Variants in CACNA2D1 observed in about 807,000 individuals in gnomAD.
CACNA2D1 encodes the protein voltage-dependent calcium channel subunit alpha-2/delta-1.
CACNA2D1 carries 53 observed loss-of-function variants against 171.5 expected under a neutral mutation model. The ratio of observed to expected loss-of-function variants is 0.31; its 90% CI spans 0.25 to 0.39. The LOEUF (loss-of-function observed/expected upper bound fraction) is 0.39, where lower values mean the gene tolerates loss of function less well. CACNA2D1 is among the 10% of genes least tolerant of loss of function. The probability of loss-of-function intolerance (pLI) is 1.00; values close to 1 mark genes in which losing one functional copy is unlikely to be tolerated. For synonymous variants in CACNA2D1, 442 were observed against 443.1 expected, an observed-to-expected ratio of 1.00 and a Z score of 0.03; for missense variants, 903 against 1,299.8, an observed-to-expected ratio of 0.69 and a Z score of 4.69.
At chr7:82,349,460 T>G (rs1315686169) in intron 2 of CACNA2D1, 108 bp downstream of exon 2, 2 of 915,222 alleles carry the variant, frequency 2.2e-6, no homozygotes, top group African/African-American at 3.3e-5. Flanking sequence ...CAGATCCACA[T>G]GAGAAATCAT....
chr7:82,351,489 T>A (rs1819839807), intron 1 of CACNA2D1, among the ~76,000 whole-genome samples: 1 of 151,934 alleles, frequency 6.6e-6, no homozygotes, highest in Non-Finnish European at 1.5e-5. Context: ...ACAAACTAGT[T>A]ACTAAATGGA....
intron 3 of CACNA2D1, among the ~76,000 whole-genome samples, chr7:82,268,635 G>A (rs980852921): frequency 2.0e-5 from 3 of 151,826 alleles, no homozygotes; most frequent in African/African-American, 7.3e-5. Flanking sequence ...GAAATTATTT[G>A]GGCTATGTGG....
At chr7:82,402,737 A>G (rs1373019667) in intron 1 of CACNA2D1, among the ~76,000 whole-genome samples, 1 of 149,192 alleles carries the variant, frequency 6.7e-6, no homozygotes, top group East Asian at 2.0e-4. Flanking sequence ...AAAAAAGAAG[A>G]AGAAGTAAAA....
chr7:82,420,208 T>C (rs2129457011), intron 1 of CACNA2D1, among the ~76,000 whole-genome samples: 1 of 152,348 alleles, frequency 6.6e-6, no homozygotes, highest in South Asian at 2.1e-4. Flanking sequence ...ACGATTCTCC[T>C]ACCTTGTCAA....
At chr7:82,386,012 T>A (rs1337340679) in intron 1 of CACNA2D1, among the ~76,000 whole-genome samples, 1 of 152,108 alleles carries the variant, frequency 6.6e-6, no homozygotes, top group Non-Finnish European at 1.5e-5. Context: ...AATATTTAGG[T>A]TTAGAGTTGT....
intron 38 of CACNA2D1, among the ~76,000 whole-genome samples, chr7:81,955,679 C>A (rs1370133165): frequency 6.6e-6 from 1 of 151,700 alleles, no homozygotes; most frequent in Admixed American, 6.6e-5. Context: ...AGGACTTCAT[C>A]AAAACTCAAG....
chr7:82,366,734 T>C (rs182949621), intron 1 of CACNA2D1, among the ~76,000 whole-genome samples: 2 of 152,236 alleles, frequency 1.3e-5, no homozygotes, highest in Admixed American at 6.5e-5. Flanking sequence ...TGGGTATATA[T>C]ATCCAGTAAT....
rs187415838 is a variant in CACNA2D1, at chr7:82,048,242, C to A, written c.880-10007G>T. On this transcript the variant is annotated intron_variant, in intron 10 of 38. Transcript: ENST00000356860. ...TTATATACATCTGGAAAACTTAGAG[C>A]ATGATTATGATATAAATTAATGACA... Among the ~76,000 whole-genome samples the A allele has an allele frequency of 1.1e-3, 164 of 151,820 alleles. 1 individual carries two copies. The highest frequency in any genetic ancestry group is 3.7e-3 in the African/African-American group (152 of 41,400).
chr7:82,321,555 T>G (rs1405054496), intron 3 of CACNA2D1, among the ~76,000 whole-genome samples: 1 of 152,174 alleles, frequency 6.6e-6, no homozygotes, highest in Non-Finnish European at 1.5e-5. Flanking sequence ...AAGGTTATTC[T>G]GAAGATGAAA....
In CACNA2D1 at chr7:82,005,375, C is replaced by T. The variant is rs370842515; in HGVS notation, c.1590+48G>A. ...CAACAATCCTATTAAGAACATTAAT[C>T]ATTAATTCTACAAAACACTAATCAC... is the stretch of plus-strand genomic sequence containing the variant. On this transcript the variant is annotated intron_variant, in intron 18 of 38. Transcript: ENST00000356860. The T allele has an allele frequency of 2.8e-5, 31 of 1,104,208 alleles. No individual in the cohort carries two copies. In the African/African-American group the frequency reaches 4.0e-4, roughly 14 times the overall value. The allele number at this position is 1,104,208 out of a possible 1,614,324, so 68.4% of individuals were successfully genotyped here.
chr7:82,242,604 T>C (rs192580201), intron 3 of CACNA2D1, among the ~76,000 whole-genome samples: 2 of 152,182 alleles, frequency 1.3e-5, no homozygotes, highest in Non-Finnish European at 2.9e-5. Context: ...CAGTCTTTTA[T>C]AGCAGTAATC....
At chr7:82,241,636 G>C (rs933265403) in intron 3 of CACNA2D1, among the ~76,000 whole-genome samples, 1 of 151,936 alleles carries the variant, frequency 6.6e-6, no homozygotes, top group South Asian at 2.1e-4. Flanking sequence ...GTGCTTGATG[G>C]AGAAAGAAGC....
At chr7:82,193,477 G>T (rs1478408115) in intron 3 of CACNA2D1, among the ~76,000 whole-genome samples, 1 of 151,904 alleles carries the variant, frequency 6.6e-6, no homozygotes, top group Non-Finnish European at 1.5e-5. Context: ...ATATATTTAA[G>T]TCTAAAAAGA....
chr7:82,254,291 T>C (rs1212799137), intron 3 of CACNA2D1, among the ~76,000 whole-genome samples: 1 of 152,182 alleles, frequency 6.6e-6, no homozygotes, highest in African/African-American at 2.4e-5. Context: ...TGTTTGTAAT[T>C]GTAGGGAGAA....
At chr7:82,292,807 G>GGT (rs1281671903) in intron 3 of CACNA2D1, among the ~76,000 whole-genome samples, 2 of 151,212 alleles carry the variant, frequency 1.3e-5, no homozygotes, top group Non-Finnish European at 2.9e-5. Flanking sequence ...ATTATACATG[G>GGT]GTATATATAA....
Position 81,947,000 on chromosome 7 carries a change from G to GT in CACNA2D1, c.*3391dup, listed in dbSNP as rs1346719143. ...TTTAAAATTTTGGGCAAGTGAAATA[G>GT]TTATTTCATTCTATTCTTTAAAAAA... On this transcript the variant is annotated 3_prime_UTR_variant, in exon 39 of 39. Coordinates refer to ENST00000356860, the MANE Select transcript of CACNA2D1 (RefSeq NM_000722.4). The GT allele has an allele frequency of 6.6e-6, 1 of 151,970 alleles. No homozygotes were observed. The highest frequency in any genetic ancestry group is 1.9e-4 in the East Asian group (1 of 5,180). 9.4% of individuals were successfully genotyped at this position (151,970 alleles called of 1,614,324 possible). A position where few individuals can be genotyped will look rare whatever the true frequency, so the allele number is the denominator to read the frequency against.
intron 3 of CACNA2D1, among the ~76,000 whole-genome samples, chr7:82,276,185 A>G (rs976106885): frequency 9.2e-5 from 14 of 152,220 alleles, no homozygotes; most frequent in Non-Finnish European, 1.9e-4. Flanking sequence ...CACTTGTCAC[A>G]GTTTTATTTA....
chr7:82,038,315 T>C lies in CACNA2D1; in HGVS notation c.880-80A>G. On this transcript the variant is annotated intron_variant, in intron 10 of 38. Coordinates refer to ENST00000356860, the MANE Select transcript of CACNA2D1 (RefSeq NM_000722.4). ...TTTTCATAGAATTTGTGTTTGATACTCCTAAACGGTATTGCATTGCTTACT... is the reference window on the plus strand; with the variant it reads ...TTTTCATAGAATTTGTGTTTGATACCCCTAAACGGTATTGCATTGCTTACT... 4.8e-6 allele frequency: 6 copies of C among 1,243,546 alleles called. No individual in the cohort carries two copies. In the South Asian group the frequency reaches 7.7e-5, roughly 16 times the overall value. 77.0% of individuals were successfully genotyped at this position (1,243,546 alleles called of 1,614,324 possible).
intron 2 of CACNA2D1, chr7:82,343,362 T>C (rs908090093): frequency 1.3e-5 from 2 of 152,170 alleles, no homozygotes; most frequent in Non-Finnish European, 2.9e-5. Context: ...TTCCGAGCAA[T>C]ATATTAAAGA....
Sources: allele counts gnomAD v4.1 joint callset (sites outside exome capture counted in the v4.1 genomes callset), GRCh38; gene constraint gnomAD v4.1.1; transcripts MANE v1.5; gene names NCBI Gene and HGNC (gene_info 2026-07-23, HGNC 2026-07-21).